Variants in PPARGC1A observed in about 807,000 individuals in gnomAD.
The protein encoded by PPARGC1A is PPARG coactivator 1 alpha.
In PPARGC1A, 25 loss-of-function variants were observed where a neutral mutation model predicts 88.7. The ratio of observed to expected loss-of-function variants is 0.28; its 90% CI spans 0.21 to 0.39. PPARGC1A has a LOEUF of 0.39. Ranked by LOEUF, PPARGC1A falls within the 10% of genes least tolerant of loss-of-function variation. The pLI is 1.00. For synonymous variants in PPARGC1A, 363 were observed against 355.6 expected (o/e 1.02, Z -0.24); for missense variants, 880 against 968.7 (o/e 0.91, Z 1.22).
At chr4:24,318,423 T>C in the PPARGC1A span, among the ~76,000 whole-genome samples, 1 of 152,232 alleles carries the variant, frequency 6.6e-6, no homozygotes, top group Non-Finnish European at 1.5e-5. Flanking sequence ...ATTAACCAAA[T>C]TGAGCAATCC....
At chr4:23,838,696 G>T (rs1042207531) in intron 2 of PPARGC1A, among the ~76,000 whole-genome samples, 3 of 152,052 alleles carry the variant, frequency 2.0e-5, no homozygotes, top group Non-Finnish European at 4.4e-5. Context: ...GAATTTGTGG[G>T]CCGGTAGAAA....
the PPARGC1A span, among the ~76,000 whole-genome samples, chr4:24,331,767 T>TTATATATATATATA: frequency 7.0e-6 from 1 of 143,616 alleles, no homozygotes; most frequent in African/African-American, 2.5e-5. Context: ...TGTGTTTATT[T>TTATATATATATATA]TATATATATA....
At chr4:24,372,880 T>C in the PPARGC1A span, among the ~76,000 whole-genome samples, 1 of 152,160 alleles carries the variant, frequency 6.6e-6, no homozygotes, top group Non-Finnish European at 1.5e-5. Flanking sequence ...AACTTGGAAG[T>C]GAAGGAGGTT....
the PPARGC1A span, among the ~76,000 whole-genome samples, chr4:24,075,759 T>C: frequency 6.6e-6 from 1 of 152,144 alleles, no homozygotes; most frequent in Non-Finnish European, 1.5e-5. Flanking sequence ...CTCCTTGCCT[T>C]CTGCCATGAT....
At chr4:24,180,982 A>G in the PPARGC1A span, among the ~76,000 whole-genome samples, 4 of 152,202 alleles carry the variant, frequency 2.6e-5, no homozygotes, top group Non-Finnish European at 5.9e-5. Flanking sequence ...AAAGAAGTTT[A>G]CCTCTGCCTC....
chr4:24,007,827 G>A, the PPARGC1A span, among the ~76,000 whole-genome samples: 1 of 152,122 alleles, frequency 6.6e-6, no homozygotes, highest in African/African-American at 2.4e-5. Context: ...GTTCCTTGGA[G>A]GGTGCAGGTT....
the PPARGC1A span, among the ~76,000 whole-genome samples, chr4:24,454,324 A>C: frequency 6.6e-6 from 1 of 151,746 alleles, no homozygotes; most frequent in South Asian, 2.1e-4. Context: ...TTTCAGTTTT[A>C]AGACACAAAG....
At chr4:23,852,775 A>G (rs1416092162) in intron 2 of PPARGC1A, among the ~76,000 whole-genome samples, 1 of 152,142 alleles carries the variant, frequency 6.6e-6, no homozygotes, top group Non-Finnish European at 1.5e-5. Flanking sequence ...TATAAAGCCT[A>G]GTTTTTATCT....
At chr4:24,241,685 A>T in the PPARGC1A span, among the ~76,000 whole-genome samples, 1 of 152,352 alleles carries the variant, frequency 6.6e-6, no homozygotes, top group South Asian at 2.1e-4. Context: ...GGGACGCCAA[A>T]CATCTGCGAG....
upstream of PPARGC1A, among the ~76,000 whole-genome samples, chr4:23,906,860 G>A (rs1473201839): frequency 6.6e-6 from 1 of 151,994 alleles, no homozygotes; most frequent in East Asian, 1.9e-4. Flanking sequence ...TCAGAAAGTG[G>A]GGCTAAAATA....
the PPARGC1A span, among the ~76,000 whole-genome samples, chr4:24,339,237 T>TACACATACAC: frequency 9.6e-6 from 1 of 104,316 alleles, no homozygotes; most frequent in East Asian, 2.9e-4. Flanking sequence ...TATATATATA[T>TACACATACAC]ACACACACAC....
chr4:24,282,556 T>C, the PPARGC1A span, among the ~76,000 whole-genome samples: 1 of 152,226 alleles, frequency 6.6e-6, no homozygotes, highest in African/African-American at 2.4e-5. Context: ...TTTATCTGTA[T>C]GGTTAATTCT....
the PPARGC1A span, among the ~76,000 whole-genome samples, chr4:24,349,554 G>A: frequency 0.41 from 62,024 of 151,898 alleles, 12,746 homozygotes; most frequent in East Asian, 0.47. Flanking sequence ...TGCCTCTGCT[G>A]AGTCATGCAG....
the PPARGC1A span, among the ~76,000 whole-genome samples, chr4:24,376,896 T>G: frequency 9.8e-5 from 15 of 152,308 alleles, no homozygotes; most frequent in Admixed American, 8.5e-4. Context: ...TATTTTACAT[T>G]GTGCATGATT....
the PPARGC1A span, among the ~76,000 whole-genome samples, chr4:24,066,224 A>AGAAGCCTCTCT: frequency 2.6e-5 from 4 of 152,124 alleles, no homozygotes; most frequent in Admixed American, 2.6e-4. Context: ...CAAATCAGGT[A>AGAAGCCTCTCT]GAAGCCTCTC....
the PPARGC1A span, among the ~76,000 whole-genome samples, chr4:24,406,988 C>A: frequency 6.6e-6 from 1 of 152,156 alleles, no homozygotes; most frequent in African/African-American, 2.4e-5. Flanking sequence ...TTTCTCTGTG[C>A]TCTTCTTGGG....
At chr4:24,256,393 C>T in the PPARGC1A span, among the ~76,000 whole-genome samples, 4 of 152,158 alleles carry the variant, frequency 2.6e-5, no homozygotes, top group Admixed American at 6.5e-5. Context: ...GCCTCGCATT[C>T]GCAGACAAAA....
intron 1 of PPARGC1A, chr4:23,889,032 C>T: frequency 1.0e-6 from 1 of 985,420 alleles, no homozygotes; most frequent in Non-Finnish European, 1.2e-6. Flanking sequence ...ACGCCGAGGT[C>T]CTCCGTCCCC....
the PPARGC1A span, among the ~76,000 whole-genome samples, chr4:24,158,086 A>T: frequency 8.2e-6 from 1 of 122,390 alleles, no homozygotes; most frequent in Admixed American, 9.9e-5. Flanking sequence ...TGTTCACTAC[A>T]CTCTCCAACC....
Sources: gnomAD v4.1 joint callset for allele counts (sites outside exome capture counted in the v4.1 genomes callset) on GRCh38, gnomAD v4.1.1 for gene constraint, MANE v1.5 for transcripts, NCBI Gene and HGNC (gene_info 2026-07-23, HGNC 2026-07-21) for gene names.